Variants in LRRC49 observed in about 807,000 individuals in gnomAD.
LRRC49 encodes the protein leucine rich repeat containing 49.
A neutral mutation model predicts 83.3 loss-of-function variants in LRRC49; 50 were observed. The ratio of observed to expected loss-of-function variants is 0.60; its 90% confidence interval spans 0.48 to 0.76. The LOEUF is 0.76. Ranked by LOEUF, LRRC49 falls within the 30% of genes least tolerant of loss-of-function variation. LRRC49 has a pLI of 0.00. For synonymous variants in LRRC49, 286 were observed against 283.3 expected, an observed-to-expected ratio of 1.01 and a Z score of -0.10; for missense variants, 704 against 809.1, an observed-to-expected ratio of 0.87 and a Z score of 1.58.
chr15:70,911,644 AG>A (rs765712371), intron 6 of LRRC49, 46 bp downstream of exon 6: 2 of 1,172,980 alleles, frequency 1.7e-6, no homozygotes, highest in Non-Finnish European at 2.4e-6. Context: ...AAAAAAGTCC[AG>A]GAAAATGGTA....
intron 15 of LRRC49, among the ~76,000 whole-genome samples, chr15:71,043,392 C>G (rs2039756307): frequency 2.0e-5 from 3 of 152,100 alleles, no homozygotes. Flanking sequence ...CAGAATTGAA[C>G]TTGTAAAATA....
At chr15:70,997,203 T>C (rs1416471719) in intron 11 of LRRC49, among the ~76,000 whole-genome samples, 1 of 152,238 alleles carries the variant, frequency 6.6e-6, no homozygotes, top group Non-Finnish European at 1.5e-5. Flanking sequence ...TTTTGCTTCA[T>C]GTATTTTAGA....
chr15:70,971,510 TC>T (rs1218458999), intron 9 of LRRC49, among the ~76,000 whole-genome samples: 1 of 152,182 alleles, frequency 6.6e-6, no homozygotes, highest in Non-Finnish European at 1.5e-5. Flanking sequence ...TGAGTTCAAG[TC>T]CTGAATATCC....
At chr15:70,889,700 A>C (rs2033504066), upstream of LRRC49, among the ~76,000 whole-genome samples, 1 of 152,174 alleles carries the variant, frequency 6.6e-6, no homozygotes, top group East Asian at 1.9e-4. Context: ...GATATGTAAC[A>C]CTCATATTTA....
chr15:70,937,493 T>A lies in LRRC49; in HGVS notation c.773+671T>A, dbSNP rs549150738. Among the ~76,000 whole-genome samples the A allele has an allele frequency of 1.6e-4, 25 of 152,310 alleles. 1 individual carries two copies. In the South Asian group the frequency reaches 4.6e-3, roughly 28 times the overall value. ...TTCCCAGGAGCCACTTAGTTTGAACTGGGCTTTTTAATGCCCTCAGTTCTT... is the reference window on the plus strand; with the variant it reads ...TTCCCAGGAGCCACTTAGTTTGAACAGGGCTTTTTAATGCCCTCAGTTCTT... On this transcript the variant is annotated intron_variant, in intron 8 of 15. Coordinates refer to ENST00000260382, the MANE Select transcript of LRRC49 (RefSeq NM_017691.5).
At chr15:70,860,430 GGA>G (rs1244135548) in intron 1 of LRRC49, among the ~76,000 whole-genome samples, 1 of 152,154 alleles carries the variant, frequency 6.6e-6, no homozygotes, top group Non-Finnish European at 1.5e-5. Flanking sequence ...AAAACAAAAA[GGA>G]GAGATGAGGT....
intron 11 of LRRC49, among the ~76,000 whole-genome samples, chr15:70,988,531 T>A (rs1343238048): frequency 6.6e-6 from 1 of 152,238 alleles, no homozygotes; most frequent in Non-Finnish European, 1.5e-5. Context: ...TATGTGTGTC[T>A]CTGCATGTGA....
intron 7 of LRRC49, among the ~76,000 whole-genome samples, chr15:70,924,401 T>C (rs879776423): frequency 3.3e-5 from 5 of 151,958 alleles, no homozygotes; most frequent in Admixed American, 6.6e-5. Context: ...TTCTTCTGTC[T>C]TATTTTGGGT....
chr15:71,030,640 C>A (rs1454684273), intron 14 of LRRC49, among the ~76,000 whole-genome samples: 1 of 152,124 alleles, frequency 6.6e-6, no homozygotes, highest in African/African-American at 2.4e-5. Flanking sequence ...CACTCCTTCA[C>A]TTTCAGGTAC....
At chr15:70,948,017 T>A (rs1483201658) in intron 8 of LRRC49, among the ~76,000 whole-genome samples, 5 of 152,190 alleles carry the variant, frequency 3.3e-5, no homozygotes, top group Admixed American at 2.6e-4. Flanking sequence ...ATAAACTTAT[T>A]TCCTCTTTCA....
intron 14 of LRRC49, among the ~76,000 whole-genome samples, chr15:71,017,466 A>G (rs186125603): frequency 1.3e-5 from 2 of 152,226 alleles, no homozygotes; most frequent in Admixed American, 6.5e-5. Flanking sequence ...AGGAGAATAT[A>G]TTTGCAGCAT....
chr15:70,882,681 G>A, intron 2 of LRRC49: 3 of 1,611,184 alleles, frequency 1.9e-6, no homozygotes, highest in Non-Finnish European at 2.5e-6. Context: ...GTACCTATGA[G>A]TTAGACTTTG....
intron 9 of LRRC49, among the ~76,000 whole-genome samples, chr15:70,975,223 A>G (rs1161385518): frequency 1.3e-5 from 2 of 152,204 alleles, no homozygotes; most frequent in African/African-American, 2.4e-5. Context: ...AAAGGAGAAG[A>G]CATAAGGAAG....
At position 70,981,424 on chromosome 15, in the gene LRRC49, C is replaced by A. The variant is rs1171244753; in HGVS notation, c.1005+1240C>A. Among the ~76,000 whole-genome samples the A allele has an allele frequency of 7.9e-5, 12 of 151,290 alleles. No homozygotes were observed. In the East Asian group the frequency reaches 2.3e-3, roughly 29 times the overall value. On this transcript the variant is annotated intron_variant, in intron 10 of 15. Transcript: ENST00000260382. ...ACGGGTTGATGGGTGCAGCAAACCA[C>A]CATGGCACATGTATACCTATGTAAC...
chr15:70,965,911 A>C (rs142778921), intron 9 of LRRC49, among the ~76,000 whole-genome samples: 77 of 152,082 alleles, frequency 5.1e-4, no homozygotes, highest in Non-Finnish European at 9.1e-4. Flanking sequence ...TTTTTTAAGG[A>C]CTTTTTATAA....
At chr15:70,965,660 T>C (rs2036769178) in intron 9 of LRRC49, among the ~76,000 whole-genome samples, 1 of 152,110 alleles carries the variant, frequency 6.6e-6, no homozygotes, top group East Asian at 1.9e-4. Flanking sequence ...ATTCTTCTCA[T>C]TGCATCTTAG....
intron 7 of LRRC49, 192 bp from the exon 8 acceptor site, chr15:70,936,569 C>T (rs985332206): frequency 1.9e-5 from 10 of 535,422 alleles, no homozygotes; most frequent in African/African-American, 3.8e-5. Flanking sequence ...GCAGCTTGTT[C>T]TGCGGATGTA....
At chr15:70,966,988 G>A (rs1486000014) in intron 9 of LRRC49, among the ~76,000 whole-genome samples, 4 of 152,078 alleles carry the variant, frequency 2.6e-5, no homozygotes, top group African/African-American at 4.8e-5. Context: ...AGGGCAAAAT[G>A]ATATCAAAGA....
intron 10 of LRRC49, among the ~76,000 whole-genome samples, chr15:70,982,927 T>C (rs899719759): frequency 6.6e-6 from 1 of 152,092 alleles, no homozygotes; most frequent in African/African-American, 2.4e-5. Flanking sequence ...TGCAAAGAGG[T>C]ACAACTAAAA....
Sources: gnomAD v4.1 joint callset for allele counts (sites outside exome capture counted in the v4.1 genomes callset) on GRCh38, gnomAD v4.1.1 for gene constraint, MANE v1.5 for transcripts, NCBI Gene and HGNC (gene_info 2026-07-23, HGNC 2026-07-21) for gene names.